The following GPC5 variants were observed in gnomAD, a reference collection of about 807,000 sequenced individuals.
GPC5 encodes glypican-5.
A neutral mutation model predicts 53.9 loss-of-function variants in GPC5; 47 were observed. That is an observed-to-expected ratio of 0.87 (90% CI 0.69 to 1.11). The LOEUF (loss-of-function observed/expected upper bound fraction) is 1.11. Ranked by LOEUF, GPC5 falls within the 50% of genes most tolerant of loss-of-function variation. GPC5 has a pLI of 0.00. For missense variants in GPC5, 748 were observed against 713.1 expected (o/e 1.05, Z -0.56); for synonymous variants, 286 against 263.3 (o/e 1.09, Z -0.84).
intron 7 of GPC5, among the ~76,000 whole-genome samples, chr13:92,530,061 C>A (rs60524890): frequency 6.6e-6 from 1 of 152,188 alleles, no homozygotes; most frequent in African/African-American, 2.4e-5. Flanking sequence ...CCAGCCTGGG[C>A]GGCAGAGCAA....
chr13:92,457,216 G>A (rs914018994), intron 7 of GPC5, among the ~76,000 whole-genome samples: 2 of 152,038 alleles, frequency 1.3e-5, no homozygotes, highest in African/African-American at 4.8e-5. Flanking sequence ...ATAGTGTATA[G>A]GTATGACATT....
chr13:91,533,672 C>G (rs1272812098), intron 2 of GPC5, among the ~76,000 whole-genome samples: 1 of 152,180 alleles, frequency 6.6e-6, no homozygotes, highest in Non-Finnish European at 1.5e-5. Context: ...ATGATTAGCA[C>G]AGGCCACCGA....
At chr13:92,125,244 T>C (rs2041685302) in intron 6 of GPC5, among the ~76,000 whole-genome samples, 2 of 152,188 alleles carry the variant, frequency 1.3e-5, no homozygotes, top group South Asian at 4.1e-4. Flanking sequence ...TAAGATGACT[T>C]CAGACTTTTA....
At chr13:91,865,875 CT>C (rs1394695860) in intron 5 of GPC5, among the ~76,000 whole-genome samples, 2 of 151,328 alleles carry the variant, frequency 1.3e-5, no homozygotes, top group Non-Finnish European at 3.0e-5. Context: ...ACAATGAATA[CT>C]TTTTTTTTGA....
intron 5 of GPC5, among the ~76,000 whole-genome samples, chr13:91,873,894 C>T (rs2039175125): frequency 6.6e-6 from 1 of 152,136 alleles, no homozygotes. Flanking sequence ...GTTGCCCAGG[C>T]TGGTCTCAAA....
At chr13:91,877,151 G>C (rs1484240342) in intron 5 of GPC5, among the ~76,000 whole-genome samples, 1 of 152,190 alleles carries the variant, frequency 6.6e-6, no homozygotes, top group Non-Finnish European at 1.5e-5. Flanking sequence ...CAGGGGTGGG[G>C]CCCTCATGGA....
intron 2 of GPC5, among the ~76,000 whole-genome samples, chr13:91,493,753 T>C (rs1251700174): frequency 6.6e-6 from 1 of 151,788 alleles, no homozygotes; most frequent in Non-Finnish European, 1.5e-5. Flanking sequence ...ATCCCTTTCA[T>C]CCTTAGTCTT....
In GPC5 at chr13:92,114,131, A is replaced by T. The variant is rs991958332; in HGVS notation, c.1402-30699A>T. On this transcript the variant is annotated intron_variant, in intron 6 of 7. Transcript: ENST00000377067. ...CCAAATATAATGGTAAGATTTCATA[A>T]TTTTTTCCTACCTCAAACATAAAGA... 8.5e-5 allele frequency among the ~76,000 whole-genome samples: 13 copies of T among 152,190 alleles called. No homozygotes were observed. The East Asian group carries it at 9.7e-4, about 11-fold the overall frequency.
rs36058737 is a variant in GPC5 at position 92,700,255 on chromosome 13, ATTT to A, written c.1562-166009_1562-166007del. On this transcript the variant is annotated intron_variant, in intron 7 of 7. Transcript: ENST00000377067. Reference sequence around the variant, plus strand: ...CAGAGACTGGGATTGCAACCCCTGCATTTTTTTTTTTTTTTTTTTTGGCTTTCC... The same window carrying A: ...CAGAGACTGGGATTGCAACCCCTGCATTTTTTTTTTTTTTTTTGGCTTTCC... Among the ~76,000 whole-genome samples, 338 of 103,632 alleles carry A rather than the reference ATTT, an allele frequency of 3.3e-3. 3 individuals carry two copies. Among genetic ancestry groups the A allele is most frequent in the East Asian group, 0.032 (118 of 3,638 alleles). 68.0% of individuals were successfully genotyped at this position (103,632 alleles called of 152,430 possible).
At chr13:91,518,031 C>G (rs1885597076) in intron 2 of GPC5, among the ~76,000 whole-genome samples, 1 of 152,162 alleles carries the variant, frequency 6.6e-6, no homozygotes, top group South Asian at 2.1e-4. Flanking sequence ...ATATCACCAT[C>G]TTATAGCAAA....
At chr13:92,824,448 T>C (rs1460299234) in intron 7 of GPC5, among the ~76,000 whole-genome samples, 1 of 152,112 alleles carries the variant, frequency 6.6e-6, no homozygotes, top group Non-Finnish European at 1.5e-5. Context: ...ATTTCCCTTC[T>C]CTTGCTTGCT....
At chr13:92,500,873 C>T (rs1232761844) in intron 7 of GPC5, among the ~76,000 whole-genome samples, 2 of 151,754 alleles carry the variant, frequency 1.3e-5, no homozygotes, top group Non-Finnish European at 2.9e-5. Context: ...GGATAAAAGA[C>T]CAAAAAAGGG....
intron 7 of GPC5, among the ~76,000 whole-genome samples, chr13:92,565,938 A>G (rs906514658): frequency 5.3e-5 from 8 of 152,014 alleles, no homozygotes; most frequent in Admixed American, 5.3e-4. Context: ...CTTTTTAGTG[A>G]TCAACCTTTA....
intron 6 of GPC5, among the ~76,000 whole-genome samples, chr13:92,048,299 A>T (rs1169325911): frequency 6.6e-6 from 1 of 151,714 alleles, no homozygotes; most frequent in Non-Finnish European, 1.5e-5. Context: ...ATATAAATTT[A>T]TTTTATATTA....
At chr13:91,826,433 A>G (rs1433852071) in intron 5 of GPC5, among the ~76,000 whole-genome samples, 1 of 152,072 alleles carries the variant, frequency 6.6e-6, no homozygotes, top group Non-Finnish European at 1.5e-5. Context: ...AAGTTGAGAA[A>G]TCATAAGTCA....
At chr13:92,567,125 A>G (rs2139036536) in intron 7 of GPC5, among the ~76,000 whole-genome samples, 1 of 152,230 alleles carries the variant, frequency 6.6e-6, no homozygotes, top group South Asian at 2.1e-4. Flanking sequence ...TCAGGTATTC[A>G]CACAAAATGG....
rs200484747 is a variant in GPC5 at position 92,756,998 on chromosome 13, A to G, written c.1562-109284A>G. Among the ~76,000 whole-genome samples, 196 of 152,000 alleles carry G rather than the reference A, an allele frequency of 1.3e-3. 2 individuals carry two copies. In the East Asian group the frequency reaches 0.02, roughly 15 times the overall value. On this transcript the variant is annotated intron_variant, in intron 7 of 7. Coordinates refer to ENST00000377067, the MANE Select transcript of GPC5 (RefSeq NM_004466.6). ...AAAAACTATTTTAAAGTTCATATGG[A>G]ACCAAAAAAGAGCCCGCATTGCCAA...
Position 92,229,103 on chromosome 13 carries a change from A to G in GPC5, c.1561+84114A>G, listed in dbSNP as rs138899218. Among the ~76,000 whole-genome samples, 318 of 152,226 alleles carry G rather than the reference A, an allele frequency of 2.1e-3. 2 individuals carry two copies. The highest frequency in any genetic ancestry group is 7.5e-3 in the African/African-American group (310 of 41,558). On this transcript the variant is annotated intron_variant, in intron 7 of 7. Coordinates refer to ENST00000377067, the MANE Select transcript of GPC5 (RefSeq NM_004466.6). ...CATAGTTGTGAAAATGTAAACTTTGACCACTGACTTAATTTAAAAATTATA... is the reference window on the plus strand; with the variant it reads ...CATAGTTGTGAAAATGTAAACTTTGGCCACTGACTTAATTTAAAAATTATA...
Position 91,706,192 on chromosome 13 carries a change from AT to A in GPC5, c.1020+12325del, listed in dbSNP as rs565745298. Among the ~76,000 whole-genome samples the A allele has an allele frequency of 3.2e-3, 457 of 144,008 alleles. 1 individual carries two copies. Among genetic ancestry groups the A allele is most frequent in the South Asian group, 0.02 (91 of 4,556 alleles). The allele number at this position is 144,008 out of a possible 152,430, so 94.5% of individuals were successfully genotyped here. ...CCGCACCTGGCCCTAGCTACATGTAATTTTTTTTTTTTTTACTTACTATTTC... is the reference window on the plus strand; with the variant it reads ...CCGCACCTGGCCCTAGCTACATGTAATTTTTTTTTTTTTACTTACTATTTC... On this transcript the variant is annotated intron_variant, in intron 3 of 7. Coordinates refer to ENST00000377067, the MANE Select transcript of GPC5 (RefSeq NM_004466.6).
Sources: gnomAD v4.1 joint callset for allele counts (sites outside exome capture counted in the v4.1 genomes callset) on GRCh38, gnomAD v4.1.1 for gene constraint, MANE v1.5 for transcripts, NCBI Gene and HGNC (gene_info 2026-07-23, HGNC 2026-07-21) for gene names.